Variants in ADSL observed in about 807,000 individuals in gnomAD.
The protein encoded by ADSL is adenylosuccinate lyase.
In ADSL, 44 loss-of-function variants were observed where a neutral mutation model predicts 62.1. That is an observed-to-expected ratio of 0.71 (90% CI 0.56 to 0.91). The LOEUF (loss-of-function observed/expected upper bound fraction) is 0.91. Among genes scored for constraint, ADSL ranks in the 40% least tolerant of loss-of-function variants. ADSL has a pLI of 0.00. For synonymous variants in ADSL, 198 were observed against 220.5 expected (o/e 0.90, Z 0.90); for missense variants, 531 against 627.4 (o/e 0.85, Z 1.64).
At chr22:40,363,273 T>C (rs1479890020) in intron 10 of ADSL, among the ~76,000 whole-genome samples, 1 of 152,160 alleles carries the variant, frequency 6.6e-6, no homozygotes, top group East Asian at 1.9e-4. Context: ...AAGAAGTATT[T>C]TAAATTGCCT....
Position 40,353,069 on chromosome 22 carries a change from G to A in ADSL, c.358-4G>A, listed in dbSNP as rs113199851. 3.2e-3 allele frequency: 5,203 copies of A among 1,612,774 alleles called. 167 individuals carry two copies. In the African/African-American group the frequency reaches 0.062, roughly 19 times the overall value. On this transcript the variant is annotated splice_region_variant and splice_polypyrimidine_tract_variant and intron_variant, in intron 2 of 12. Transcript: ENST00000623063. Reference sequence around the variant, plus strand: ...ATATAAGATCATTGCATTTTCTTTCGTAGGACTTGATTATTCTTAGAAATG... The same window carrying A: ...ATATAAGATCATTGCATTTTCTTTCATAGGACTTGATTATTCTTAGAAATG...
chr22:40,354,571 T>C (rs1403751266), intron 4 of ADSL, among the ~76,000 whole-genome samples: 1 of 152,150 alleles, frequency 6.6e-6, no homozygotes, highest in Admixed American at 6.6e-5. Context: ...ATAGTAAACA[T>C]TAGAAACAAT....
Position 40,359,269 on chromosome 22 carries a change from C to A in ADSL, c.664C>A (p.Leu222Ile). 1 of 1,614,080 alleles carries A rather than the reference C, an allele frequency of 6.2e-7. No homozygotes were observed. Among genetic ancestry groups the A allele is most frequent in the Non-Finnish European group, 8.5e-7 (1 of 1,180,004 alleles). Residue 222 changes from leucine to isoleucine, a missense_variant, in exon 6 of 13, where the codon CTT becomes ATT. Leu to Ile is a conservative substitution (Grantham distance 5). Transcript: ENST00000623063. ...GTCTTTTCTTTCCAAGGTAGAGCAG[C>A]TTGACAAGATGGTGACAGAAAAGGC... Reference protein sequence around the residue: ...FEGDDHKVEQLDKMVTEKAGF... With the variant: ...FEGDDHKVEQIDKMVTEKAGF...
At chr22:40,376,621 C>T (rs929287371) in intron 2 of ADSL, 2 of 152,150 alleles carry the variant, frequency 1.3e-5, no homozygotes, top group Admixed American at 6.5e-5. Context: ...TGTATTAACT[C>T]ACAATCCTCA....
At chr22:40,370,939 C>T (rs1415836261), downstream of ADSL, among the ~76,000 whole-genome samples, 1 of 152,230 alleles carries the variant, frequency 6.6e-6, no homozygotes, top group Non-Finnish European at 1.5e-5. Flanking sequence ...CGCCCCTAGA[C>T]GGCCGAGGCC....
At chr22:40,372,122 C>CTTTTTTT (rs58396730), downstream of ADSL, among the ~76,000 whole-genome samples, 5 of 65,200 alleles carry the variant, frequency 7.7e-5, no homozygotes, top group East Asian at 4.8e-4. Context: ...TCCCCCCCCC[C>CTTTTTTT]TTTTTTTTTT....
At chr22:40,373,115 A>G (rs940116241), downstream of ADSL, among the ~76,000 whole-genome samples, 1 of 152,188 alleles carries the variant, frequency 6.6e-6, no homozygotes, top group South Asian at 2.1e-4. Flanking sequence ...AATCATTGAA[A>G]CCACTTATTG....
chr22:40,348,537 C>A (rs966846815), intron 1 of ADSL: 6 of 398,460 alleles, frequency 1.5e-5, no homozygotes, highest in Non-Finnish European at 2.7e-5. Flanking sequence ...CACGCCACCA[C>A]GCCCGGCAAA....
Position 40,346,557 on chromosome 22 carries a change from G to T in ADSL, c.-2G>T. On this transcript the variant is annotated 5_prime_UTR_variant, in exon 1 of 13. Coordinates refer to ENST00000623063, the MANE Select transcript of ADSL (RefSeq NM_000026.4). ...CCACCCTGGCGGGGTCGCAGGGTTG[G>T]GATGGCGGCTGGAGGCGATCATGGT... The T allele has an allele frequency of 1.2e-6, 2 of 1,603,760 alleles. No homozygotes were observed. Among genetic ancestry groups the T allele is most frequent in the Non-Finnish European group, 8.5e-7 (1 of 1,176,690 alleles).
chr22:40,350,646 T>C (rs920008770), intron 2 of ADSL, among the ~76,000 whole-genome samples: 1 of 151,196 alleles, frequency 6.6e-6, no homozygotes, highest in Non-Finnish European at 1.5e-5. Flanking sequence ...TGAGATGGAG[T>C]CTTGCTCTGT....
chr22:40,354,135 T>G (rs997970168), intron 3 of ADSL, 113 bp from the exon 4 acceptor site: 1 of 980,628 alleles, frequency 1.0e-6, no homozygotes, highest in South Asian at 1.3e-5. Context: ...GCTGCTGCCT[T>G]TCATGAGTTA....
At chr22:40,382,227 A>G (rs17001868) in intron 2 of ADSL, among the ~76,000 whole-genome samples, 1 of 152,080 alleles carries the variant, frequency 6.6e-6, no homozygotes, top group Non-Finnish European at 1.5e-5. Context: ...AACAGCTACA[A>G]CATAGCACCA....
At chr22:40,385,487 G>A (rs1356923207) in intron 2 of ADSL, among the ~76,000 whole-genome samples, 2 of 152,164 alleles carry the variant, frequency 1.3e-5, no homozygotes, top group Non-Finnish European at 1.5e-5. Flanking sequence ...AAAGGTTCTC[G>A]TGGGTGGAGA....
chr22:40,349,937 G>A lies in ADSL; in HGVS notation c.259G>A (p.Asp87Asn). ...AAEEEKRLRH[D>N]VMAHVHTFGH... ...TGAGGAAGAGAAACGTTTACGACAT[G>A]ATGTGATGGCTCACGTGCACACATT... Residue 87 changes from aspartate to asparagine, a missense_variant, in exon 2 of 13, where the codon GAT (aspartate) becomes AAT (asparagine). By Grantham distance (23) the Asp-to-Asn change is conservative. Transcript: ENST00000623063. 1 of 1,614,180 alleles carries A rather than the reference G, an allele frequency of 6.2e-7. No individual in the cohort carries two copies. Among genetic ancestry groups the A allele is most frequent in the South Asian group, 1.1e-5 (1 of 91,090 alleles).
In ADSL at chr22:40,361,083, C is replaced by A. The variant is rs2044765058; in HGVS notation, c.793-190C>A. On this transcript the variant is annotated intron_variant, in intron 7 of 12. Transcript: ENST00000623063. The stretch of plus-strand genomic sequence containing the variant: ...TTTTCATGCTCCTTGAATTTGTCAT[C>A]CCAGTCCTTCGGGAACAGAGAGGAG... 2.0e-5 allele frequency: 14 copies of A among 701,106 alleles called. No individual in the cohort carries two copies. In the South Asian group the frequency reaches 2.1e-4, roughly 10 times the overall value. The allele number at this position is 701,106 out of a possible 1,614,324, so 43.4% of individuals were successfully genotyped here. A position where few individuals can be genotyped will look rare whatever the true frequency, so the allele number is the denominator to read the frequency against.
At position 40,367,451 on chromosome 22, in the gene ADSL, T is replaced by G. The variant is rs1478127393; in HGVS notation, c.*929T>G. Reference sequence around the variant, plus strand: ...CACACCCAGCCTAATCTTGTTTTCTTTTTTTACTTGTTTACAGTGTAAGCA... The same window carrying G: ...CACACCCAGCCTAATCTTGTTTTCTGTTTTTACTTGTTTACAGTGTAAGCA... On this transcript the variant is annotated 3_prime_UTR_variant, in exon 13 of 13. Coordinates refer to ENST00000623063, the MANE Select transcript of ADSL (RefSeq NM_000026.4). 3.0e-5 allele frequency: 5 copies of G among 166,524 alleles called. No homozygotes were observed. Among genetic ancestry groups the G allele is most frequent in the Non-Finnish European group, 7.3e-5 (5 of 68,250 alleles). The allele number at this position is 166,524 out of a possible 1,614,324, so 10.3% of individuals were successfully genotyped here. A position where few individuals can be genotyped will look rare whatever the true frequency, so the allele number is the denominator to read the frequency against.
At chr22:40,353,940 T>C (rs928030004) in intron 3 of ADSL, 3 of 452,542 alleles carry the variant, frequency 6.6e-6, no homozygotes, top group Non-Finnish European at 1.2e-5. Flanking sequence ...CATAGGCTTT[T>C]AAACGAAGAG....
chr22:40,346,802 C>G (rs1487296288), intron 1 of ADSL, 91 bp downstream of exon 1: 2 of 1,363,322 alleles, frequency 1.5e-6, no homozygotes, highest in East Asian at 2.5e-5. Flanking sequence ...CTTAGCCACC[C>G]CGGAGCTGCG....
intron 1 of ADSL, chr22:40,348,840 T>G (rs2044241187): frequency 8.2e-6 from 3 of 363,962 alleles, no homozygotes; most frequent in African/African-American, 6.2e-5. Context: ...TTCACCACTG[T>G]TTGTATTCAG....
Sources: gnomAD v4.1 joint callset for allele counts (sites outside exome capture counted in the v4.1 genomes callset) on GRCh38, gnomAD v4.1.1 for gene constraint, MANE v1.5 for transcripts, NCBI Gene and HGNC (gene_info 2026-07-23, HGNC 2026-07-21) for gene names.